ELN: variants seen among roughly 807,000 people sequenced by gnomAD.
ELN encodes elastin, also known as tropoelastin.
A neutral mutation model predicts 105.8 loss-of-function variants in ELN; 65 were observed. That is an observed-to-expected ratio of 0.61 (90% CI 0.50 to 0.75). The LOEUF is 0.75. Among genes scored for constraint, ELN ranks in the 30% least tolerant of loss-of-function variants. The pLI is 0.00. For missense variants in ELN, 882 were observed against 969.4 expected (o/e 0.91, Z 1.20); for synonymous variants, 368 against 389.2 (o/e 0.95, Z 0.64).
chr7:74,041,517 G>A (rs969246415), intron 5 of ELN, among the ~76,000 whole-genome samples: 1 of 152,174 alleles, frequency 6.6e-6, no homozygotes, highest in African/African-American at 2.4e-5. Flanking sequence ...CAAGGGAGTC[G>A]CTTAACTCAG....
In ELN at chr7:74,051,767, G is replaced by T; in HGVS notation, c.817G>T (p.Val273Phe). The change falls in exon 16 of 33, where the codon GTC becomes TTC. Residue 273 changes from valine (V) to phenylalanine (F), a missense_variant. Val to Phe is a conservative substitution (Grantham distance 50). Coordinates refer to ENST00000252034, the MANE Select transcript of ELN (RefSeq NM_000501.4). The part of the protein sequence containing the change: ...AAKFGAGAAG[V>F]LPGVGGAGVP... ...CTCAACAGGTGCTGGAGCAGCCGGA[G>T]TCCTCCCTGGTGTTGGAGGGGCTGG... 3 of 1,614,244 alleles carry T rather than the reference G, an allele frequency of 1.9e-6. No individual in the cohort carries two copies. The highest frequency in any genetic ancestry group is 2.5e-6 in the Non-Finnish European group (3 of 1,180,036).
At chr7:74,067,794 G>A (rs184192677) in intron 32 of ELN, among the ~76,000 whole-genome samples, 10,381 of 151,176 alleles carry the variant, frequency 0.069, 1,217 homozygotes, top group African/African-American at 0.24. Context: ...CAGGTGTGGT[G>A]GTGCACGCCT....
At chr7:74,057,604 A>C (rs1490217671) in intron 21 of ELN, 36 bp from the exon 22 acceptor site, 7 of 1,612,858 alleles carry the variant, frequency 4.3e-6, no homozygotes, top group Non-Finnish European at 5.9e-6. Flanking sequence ...GGGGTGTGAG[A>C]GATTACTCTC....
intron 12 of ELN, 82 bp from the exon 13 acceptor site, chr7:74,047,593 G>A (rs369127874): frequency 6.3e-7 from 1 of 1,577,866 alleles, no homozygotes; most frequent in Middle Eastern, 1.7e-4. Flanking sequence ...TAGCACCTGT[G>A]GGGGTAGATC....
At chr7:74,064,372 G>C (rs533412804) in intron 29 of ELN, among the ~76,000 whole-genome samples, 1 of 149,630 alleles carries the variant, frequency 6.7e-6, no homozygotes, top group East Asian at 1.9e-4. Context: ...CCGAGATCGC[G>C]CCACTGCACT....
chr7:74,032,034 G>C (rs1333102398), intron 1 of ELN, among the ~76,000 whole-genome samples: 1 of 152,102 alleles, frequency 6.6e-6, no homozygotes, highest in Non-Finnish European at 1.5e-5. Flanking sequence ...TCTGCAGTTA[G>C]TGCTGACAGC....
At position 74,050,605 on chromosome 7, in the gene ELN, GCATTCATT is replaced by G. The variant is rs111893691; in HGVS notation, c.800-1115_800-1108del. ...TGCACCCATCCATCCATTCACCCAT[GCATTCATT>G]CATTCATTCATTCATTCATTCATTC... On this transcript the variant is annotated intron_variant, in intron 15 of 32. Transcript: ENST00000252034. Among the ~76,000 whole-genome samples the G allele has an allele frequency of 5.1e-3, 768 of 150,742 alleles. 5 individuals are homozygous for G. The highest frequency in any genetic ancestry group is 0.014 in the African/African-American group (572 of 41,042).
chr7:74,050,391 G>GTCCATCCA (rs369449509), intron 15 of ELN, among the ~76,000 whole-genome samples: 4 of 94,334 alleles, frequency 4.2e-5, no homozygotes, highest in African/African-American at 1.3e-4. Flanking sequence ...CCATCCACTC[G>GTCCATCCA]TCCATCCATC....
chr7:74,063,821 G>C lies in ELN; in HGVS notation c.1993+126G>C. 3 of 1,339,692 alleles carry C rather than the reference G, an allele frequency of 2.2e-6. No individual in the cohort carries two copies. The highest frequency in any genetic ancestry group is 3.2e-6 in the Non-Finnish European group (3 of 947,458). 83.0% of individuals were successfully genotyped at this position (1,339,692 alleles called of 1,614,324 possible). A position where few individuals can be genotyped will look rare whatever the true frequency, so the allele number is the denominator to read the frequency against. On this transcript the variant is annotated intron_variant, in intron 29 of 32. Transcript: ENST00000252034. The surrounding 1 kb of genome is among the most constrained non-coding windows in gnomAD (Gnocchi z 4.1). ...ACGTCTTTGCTCAAGATGTCCTCTT[G>C]GCCAGGTGCGGTGGCTCACGCCTGC...
chr7:74,065,069 C>T (rs948096939), intron 29 of ELN, among the ~76,000 whole-genome samples: 1 of 151,546 alleles, frequency 6.6e-6, no homozygotes, highest in Non-Finnish European at 1.5e-5. Context: ...AGCAAGACCC[C>T]CCCCCACCAC....
Position 74,037,740 on chromosome 7 carries a change from G to A in ELN, c.196+1G>A. The stretch of plus-strand genomic sequence containing the variant: ...CCTGGAGGCAAACCTCTTAAGCCAG[G>A]TAAGACCCAAGGCCTCGGAGCATTG... On this transcript the variant is annotated splice_donor_variant, in intron 4 of 32. Coordinates refer to ENST00000252034, the MANE Select transcript of ELN (RefSeq NM_000501.4). LOFTEE classifies it high-confidence loss of function. 6.2e-7 allele frequency: 1 copy of A among 1,611,920 alleles called. No individual in the cohort carries two copies. The highest frequency in any genetic ancestry group is 1.1e-5 in the South Asian group (1 of 90,382).
At chr7:74,060,999 T>C (rs1258208816) in intron 25 of ELN, 102 bp from the exon 26 acceptor site, 4 of 1,417,830 alleles carry the variant, frequency 2.8e-6, no homozygotes, top group Non-Finnish European at 3.0e-6. Flanking sequence ...GAGGAAGCAA[T>C]AGAGGCCAAG....
chr7:74,040,165 C>G (rs1790860857), intron 4 of ELN, among the ~76,000 whole-genome samples: 2 of 152,250 alleles, frequency 1.3e-5, no homozygotes, highest in Non-Finnish European at 2.9e-5. Flanking sequence ...CCAGCCTCTT[C>G]TCACTTCCTG....
At chr7:74,067,825 G>A (rs1047844739) in intron 32 of ELN, among the ~76,000 whole-genome samples, 1 of 151,178 alleles carries the variant, frequency 6.6e-6, no homozygotes, top group African/African-American at 2.4e-5. Flanking sequence ...CTACTCTGGA[G>A]GCTGAGACAG....
rs1554672079 is a variant in ELN at position 74,046,232 on chromosome 7, G to A, written c.571+15G>A. On this transcript the variant is annotated intron_variant, in intron 11 of 32. Coordinates refer to ENST00000252034, the MANE Select transcript of ELN (RefSeq NM_000501.4). ...TGGAATCCCAGGTGAGGCAAGGCTG[G>A]TGGGAGAAGCAGGGTGGCCAGCCAG... 6.2e-7 allele frequency: 1 copy of A among 1,614,188 alleles called. No individual in the cohort carries two copies. Among genetic ancestry groups the A allele is most frequent in the African/African-American group, 1.3e-5 (1 of 75,054 alleles).
chr7:74,058,348 T>C (rs1227336640), intron 22 of ELN, among the ~76,000 whole-genome samples: 1 of 151,420 alleles, frequency 6.6e-6, no homozygotes, highest in Admixed American at 6.6e-5. Flanking sequence ...CTCCTTCTTC[T>C]TTCTTCTCCT....
In ELN at chr7:74,069,617, C is replaced by T. The variant is rs1361157081; in HGVS notation, c.*917C>T. 2.1e-5 allele frequency: 5 copies of T among 233,478 alleles called. No individual in the cohort carries two copies. The highest frequency in any genetic ancestry group is 8.8e-5 in the African/African-American group (4 of 45,308). 14.5% of individuals were successfully genotyped at this position (233,478 alleles called of 1,614,324 possible). A position where few individuals can be genotyped will look rare whatever the true frequency, so the allele number is the denominator to read the frequency against. On this transcript the variant is annotated 3_prime_UTR_variant, in exon 33 of 33. Transcript: ENST00000252034. Reference sequence around the variant, plus strand: ...ACTTCAGAGCAGTTCCCATTCCTGCCCCGCCCATCTTTTTGTGTCTCGCTG... The same window carrying T: ...ACTTCAGAGCAGTTCCCATTCCTGCTCCGCCCATCTTTTTGTGTCTCGCTG...
At chr7:74,057,901 G>A (rs1795676651) in intron 22 of ELN, among the ~76,000 whole-genome samples, 1 of 152,154 alleles carries the variant, frequency 6.6e-6, no homozygotes, top group Non-Finnish European at 1.5e-5. Flanking sequence ...GGAGCAGGGT[G>A]AGCAGTGTGA....
rs1788378441 is a variant in ELN at position 74,030,315 on chromosome 7, G to A, written c.82+2046G>A. 7.9e-5 allele frequency among the ~76,000 whole-genome samples: 12 copies of A among 152,280 alleles called. No homozygotes were observed. The South Asian group carries it at 2.5e-3, about 32-fold the overall frequency. ...AAGGAGGAGGGTGTCACTTATGCAA[G>A]TTCAGCGGCTCCAAGGAAGGAACCC... On this transcript the variant is annotated intron_variant, in intron 1 of 32. Coordinates refer to ENST00000252034, the MANE Select transcript of ELN (RefSeq NM_000501.4).
Sources: gnomAD v4.1 joint callset for allele counts (sites outside exome capture counted in the v4.1 genomes callset) on GRCh38, gnomAD v4.1.1 for gene constraint, Gnocchi (gnomAD v3.1) non-coding constraint, MANE v1.5 for transcripts, NCBI Gene and HGNC (gene_info 2026-07-23, HGNC 2026-07-21) for gene names.